ADAMTS2: variants seen among roughly 807,000 people sequenced by gnomAD.
The protein encoded by ADAMTS2 is A disintegrin and metalloproteinase with thrombospondin motifs 2.
In ADAMTS2, 50 loss-of-function variants were observed where a neutral mutation model predicts 123.0. The observed-to-expected ratio is 0.41, with a 90% confidence interval of 0.32 to 0.51. The LOEUF is 0.51. Ranked by LOEUF, ADAMTS2 falls within the 20% of genes least tolerant of loss-of-function variation. ADAMTS2 has a pLI of 0.35. For missense variants in ADAMTS2, 1,494 were observed against 1,705.2 expected, an observed-to-expected ratio of 0.88 and a Z score of 2.18; for synonymous variants, 678 against 695.4, an observed-to-expected ratio of 0.98 and a Z score of 0.39.
Position 179,170,504 on chromosome 5 carries a change from C to T in ADAMTS2, c.975+10568G>A, listed in dbSNP as rs1763794313. On this transcript the variant is annotated intron_variant, in intron 5 of 21. Coordinates refer to ENST00000251582, the MANE Select transcript of ADAMTS2 (RefSeq NM_014244.5). This position sits in a 1 kb window ranked among gnomAD's most constrained non-coding sequence, Gnocchi z 4.3. ...ATTCCTTGACGGGAAGCCTGTGGTTCCTTGAAGAGCAGCTCATCAGAATTC... is the reference window on the plus strand; with the variant it reads ...ATTCCTTGACGGGAAGCCTGTGGTTTCTTGAAGAGCAGCTCATCAGAATTC... 6.6e-6 allele frequency among the ~76,000 whole-genome samples: 1 copy of T among 152,062 alleles called. No individual in the cohort carries two copies. The highest frequency in any genetic ancestry group is 6.6e-5 in the Admixed American group (1 of 15,264).
chr5:179,182,016 G>A (rs749817853), intron 4 of ADAMTS2, among the ~76,000 whole-genome samples: 1 of 151,984 alleles, frequency 6.6e-6, no homozygotes, highest in Non-Finnish European at 1.5e-5. Context: ...CCTCCCTAGC[G>A]CAGCCCCCTT....
At chr5:179,166,222 C>T (rs1029395294) in intron 5 of ADAMTS2, among the ~76,000 whole-genome samples, 7 of 152,156 alleles carry the variant, frequency 4.6e-5, no homozygotes, top group Non-Finnish European at 1.0e-4. Flanking sequence ...TCGTCCAGGC[C>T]CCTGGGGCCC....
chr5:179,269,386 G>T (rs1475726399), intron 3 of ADAMTS2, among the ~76,000 whole-genome samples: 4 of 138,286 alleles, frequency 2.9e-5, no homozygotes, highest in Non-Finnish European at 6.2e-5. Context: ...TGGACTTACA[G>T]TTCCACATGG....
intron 2 of ADAMTS2, among the ~76,000 whole-genome samples, chr5:179,315,918 G>C (rs983920115): frequency 2.6e-5 from 4 of 152,234 alleles, no homozygotes; most frequent in African/African-American, 9.7e-5. Context: ...AGTCCCAGAA[G>C]AGAGTCGGGG....
chr5:179,283,942 GATGATTATTATTATTATTATTATTATT>G (rs61630991), intron 2 of ADAMTS2, among the ~76,000 whole-genome samples: 26,923 of 138,232 alleles, frequency 0.19, 3,050 homozygotes, highest in African/African-American at 0.31. Flanking sequence ...TAAATGGTCA[GATGATTATTATTATTATTATTATTATT>G]ATTATTATTA....
At chr5:179,323,673 C>T (rs559227100) in intron 2 of ADAMTS2, among the ~76,000 whole-genome samples, 1 of 152,372 alleles carries the variant, frequency 6.6e-6, no homozygotes, top group South Asian at 2.1e-4. Context: ...ACAGCACCTG[C>T]GCCCGTCAGG....
intron 3 of ADAMTS2, among the ~76,000 whole-genome samples, chr5:179,233,950 G>C (rs2113435990): frequency 6.6e-6 from 1 of 152,212 alleles, no homozygotes; most frequent in East Asian, 1.9e-4. Context: ...CACAGAGTGT[G>C]GGATTTGAGC....
intron 2 of ADAMTS2, among the ~76,000 whole-genome samples, chr5:179,296,742 C>G (rs1263783290): frequency 6.6e-6 from 1 of 152,020 alleles, no homozygotes; most frequent in Admixed American, 6.6e-5. Context: ...CCTGGGAAGA[C>G]CAGCTGCCTG....
chr5:179,156,164 G>A (rs56327529), intron 6 of ADAMTS2, among the ~76,000 whole-genome samples: 4,661 of 152,126 alleles, frequency 0.031, 104 homozygotes, highest in Non-Finnish European at 0.045. Context: ...TGCGAGATCT[G>A]AAAGCGCATC....
In ADAMTS2 at chr5:179,168,571, A is replaced by G. The variant is rs371148475; in HGVS notation, c.976-9692T>C. On this transcript the variant is annotated intron_variant, in intron 5 of 21. Transcript: ENST00000251582. Reference sequence around the variant, plus strand: ...GCCTGTCCCAGAAGAAGCTCTACAAACAGTCACTTGCACGAACGCCTTTAT... The same window carrying G: ...GCCTGTCCCAGAAGAAGCTCTACAAGCAGTCACTTGCACGAACGCCTTTAT... Among the ~76,000 whole-genome samples, 19 of 152,310 alleles carry G rather than the reference A, an allele frequency of 1.2e-4. No individual in the cohort carries two copies. In the East Asian group the frequency reaches 3.7e-3, roughly 29 times the overall value.
intron 2 of ADAMTS2, 121 bp downstream of exon 2, chr5:179,343,646 G>A: frequency 7.3e-7 from 1 of 1,369,288 alleles, no homozygotes; most frequent in East Asian, 2.5e-5. Context: ...ACTAAAGCAC[G>A]GGAAGGGCGC....
rs1764259554 is a variant in ADAMTS2, at chr5:179,189,673, G to T, written c.892-8518C>A. 6.6e-6 allele frequency among the ~76,000 whole-genome samples: 1 copy of T among 151,522 alleles called. No homozygotes were observed. The highest frequency in any genetic ancestry group is 2.4e-5 in the African/African-American group (1 of 41,202). ...CGCCCGGCCAGGAGCAATTTTTTGT[G>T]GGCTGGGGACGGATTTTACAAAGTA... On this transcript the variant is annotated intron_variant, in intron 4 of 21. Transcript: ENST00000251582. This position sits in a 1 kb window ranked among gnomAD's most constrained non-coding sequence, Gnocchi z 4.2.
chr5:179,334,494 C>T lies in ADAMTS2; in HGVS notation c.534+9273G>A, dbSNP rs989952414. Among the ~76,000 whole-genome samples, 3 of 152,230 alleles carry T rather than the reference C, an allele frequency of 2.0e-5. No individual in the cohort carries two copies. The East Asian group carries it at 5.8e-4, about 29-fold the overall frequency. ...GAGAATTCAGAGGATATTGCCTTCA[C>T]ATGAAATCCATCTTAATCCACAGCA... is the stretch of plus-strand genomic sequence containing the variant. On this transcript the variant is annotated intron_variant, in intron 2 of 21. Coordinates refer to ENST00000251582, the MANE Select transcript of ADAMTS2 (RefSeq NM_014244.5).
chr5:179,275,156 C>T (rs1001859148), intron 2 of ADAMTS2, among the ~76,000 whole-genome samples: 2 of 152,068 alleles, frequency 1.3e-5, no homozygotes, highest in African/African-American at 4.8e-5. Context: ...GATCTGATTC[C>T]AGTTCAGAAG....
Position 179,207,660 on chromosome 5 carries a change from C to A in ADAMTS2, c.744G>T (p.Glu248Asp). The change falls in exon 4 of 22, where the codon GAG becomes GAT. Residue 248 changes from glutamate (E) to aspartate (D), a missense_variant. Glu to Asp is a conservative substitution (Grantham distance 45, BLOSUM62 2). Coordinates refer to ENST00000251582, the MANE Select transcript of ADAMTS2 (RefSeq NM_014244.5). The stretch of plus-strand genomic sequence containing the variant: ...CCCTCCGCCTCGAGCTGTTGGCGTG[C>A]TCCTCTAGGACGCCCAGGGCGCGGC... ...SLSRALGVLE[E>D]HANSSRRRAR... 1.2e-5 allele frequency: 20 copies of A among 1,613,632 alleles called. No homozygotes were observed. Among genetic ancestry groups the A allele is most frequent in the Non-Finnish European group, 1.7e-5 (20 of 1,180,018 alleles).
At chr5:179,320,148 C>T (rs557695009) in intron 2 of ADAMTS2, among the ~76,000 whole-genome samples, 1 of 152,326 alleles carries the variant, frequency 6.6e-6, no homozygotes, top group African/African-American at 2.4e-5. Flanking sequence ...AGGGAGGCCA[C>T]GGAGGAAATT....
At chr5:179,166,350 G>A (rs188267081) in intron 5 of ADAMTS2, among the ~76,000 whole-genome samples, 4 of 152,310 alleles carry the variant, frequency 2.6e-5, no homozygotes, top group Admixed American at 2.6e-4. Flanking sequence ...GAAAGACCCA[G>A]GGATCCCACC....
intron 2 of ADAMTS2, among the ~76,000 whole-genome samples, chr5:179,305,372 A>G (rs1361988320): frequency 6.6e-6 from 1 of 152,188 alleles, no homozygotes; most frequent in Admixed American, 6.5e-5. Flanking sequence ...GTAGGTGTAT[A>G]AAAGACAACA....
Position 179,207,726 on chromosome 5 carries a change from A to G in ADAMTS2, c.689-11T>C, listed in dbSNP as rs1269138698. On this transcript the variant is annotated splice_polypyrimidine_tract_variant and intron_variant, in intron 3 of 21. Transcript: ENST00000251582. ...TGTCCAGGGAGGCCCCTGCAAGGAG[A>G]GGACACCGTCTTCAGCGGCAGGGCA... The G allele has an allele frequency of 6.2e-7, 1 of 1,608,878 alleles. No individual in the cohort carries two copies. The highest frequency in any genetic ancestry group is 8.5e-7 in the Non-Finnish European group (1 of 1,179,870).
Sources: gnomAD v4.1 joint callset for allele counts (sites outside exome capture counted in the v4.1 genomes callset) on GRCh38, gnomAD v4.1.1 for gene constraint, Gnocchi (gnomAD v3.1) non-coding constraint, MANE v1.5 for transcripts, NCBI Gene and HGNC (gene_info 2026-07-23, HGNC 2026-07-21) for gene names.